The following MALRD1 variants were observed in gnomAD, a reference collection of about 807,000 sequenced individuals.
MALRD1 encodes the protein MAM and LDL-receptor class A domain-containing protein 1.
MALRD1 carries 247 observed loss-of-function variants against 242.1 expected under a neutral mutation model. The observed-to-expected ratio is 1.02, with a 90% CI of 0.92 to 1.13. MALRD1 has a LOEUF of 1.13. Ranked by LOEUF, MALRD1 falls within the 50% of genes most tolerant of loss-of-function variation. The probability of loss-of-function intolerance (pLI) is 0.00; values close to 1 mark genes in which losing one functional copy is unlikely to be tolerated. For missense variants in MALRD1, 2,989 were observed against 2,533.1 expected (o/e 1.18, Z -3.86); for synonymous variants, 995 against 866.6 (o/e 1.15, Z -2.60).
chr10:19,652,341 C>A (rs1425574372), intron 36 of MALRD1, among the ~76,000 whole-genome samples: 2 of 152,110 alleles, frequency 1.3e-5, no homozygotes. Flanking sequence ...GAAGAAAGAG[C>A]CAAATGTGCC....
Position 19,104,007 on chromosome 10 carries a change from C to T in MALRD1, c.626C>T (p.Thr209Met). The change falls in exon 5 of 40, where the codon ACG (threonine) becomes ATG (methionine). Residue 209 changes from threonine to methionine, a missense_variant. Physicochemically the swap from Thr to Met is moderately conservative, Grantham distance 81. Transcript: ENST00000454679. Reference sequence around the variant, plus strand: ...GTTTTTGAAGGTCAAATGGCTTCAACGTATGAACAGGATGAAGTCATTGCT... The same window carrying T: ...GTTTTTGAAGGTCAAATGGCTTCAATGTATGAACAGGATGAAGTCATTGCT... Reference protein sequence around the residue: ...QVVFEGQMASTYEQDEVIAID... With the variant: ...QVVFEGQMASMYEQDEVIAID... The T allele has an allele frequency of 1.9e-5, 24 of 1,233,766 alleles. No homozygotes were observed. Among genetic ancestry groups the T allele is most frequent in the South Asian group, 8.2e-5 (2 of 24,410 alleles). The allele number at this position is 1,233,766 out of a possible 1,614,324, so 76.4% of individuals were successfully genotyped here.
chr10:19,576,223 A>G (rs1836817334), intron 33 of MALRD1, among the ~76,000 whole-genome samples: 1 of 152,148 alleles, frequency 6.6e-6, no homozygotes, highest in Admixed American at 6.5e-5. Flanking sequence ...ACTATGAATA[A>G]TCTCGAATAC....
intron 28 of MALRD1, among the ~76,000 whole-genome samples, chr10:19,436,138 A>T (rs1258334913): frequency 1.3e-5 from 2 of 152,120 alleles, no homozygotes; most frequent in Non-Finnish European, 2.9e-5. Context: ...AGATTGCAAG[A>T]CCAAGTCCTA....
intron 29 of MALRD1, among the ~76,000 whole-genome samples, chr10:19,490,877 C>G (rs971697180): frequency 6.6e-6 from 1 of 152,058 alleles, no homozygotes; most frequent in African/African-American, 2.4e-5. Context: ...TGTTAGTTCT[C>G]TGTACTTGTC....
At chr10:19,708,968 C>T (rs1833989038) in intron 38 of MALRD1, among the ~76,000 whole-genome samples, 1 of 120,856 alleles carries the variant, frequency 8.3e-6, no homozygotes, top group Non-Finnish European at 1.9e-5. Flanking sequence ...TGGCGGGCCA[C>T]ATTTATTTTG....
At chr10:19,287,257 T>C (rs1841171005) in intron 21 of MALRD1, among the ~76,000 whole-genome samples, 3 of 152,196 alleles carry the variant, frequency 2.0e-5, no homozygotes, top group Non-Finnish European at 1.5e-5. Context: ...TTATTAGGGA[T>C]TGGTTATAGG....
chr10:19,527,618 T>G (rs1449153280), intron 31 of MALRD1, among the ~76,000 whole-genome samples: 2 of 152,190 alleles, frequency 1.3e-5, no homozygotes, highest in Admixed American at 1.3e-4. Flanking sequence ...TCATTATACA[T>G]GTTATAGTAT....
At chr10:19,336,806 T>C (rs1182111191) in intron 24 of MALRD1, among the ~76,000 whole-genome samples, 1 of 151,964 alleles carries the variant, frequency 6.6e-6, no homozygotes, top group Non-Finnish European at 1.5e-5. Context: ...ATTAATGAAA[T>C]AGAACACAAA....
chr10:19,711,594 T>G (rs976677441), intron 38 of MALRD1, among the ~76,000 whole-genome samples: 15 of 152,160 alleles, frequency 9.9e-5, no homozygotes, highest in South Asian at 2.1e-4. Context: ...GCAGAGGTGC[T>G]GTATCACTCC....
chr10:19,528,127 C>T (rs1210434848), intron 31 of MALRD1, among the ~76,000 whole-genome samples: 2 of 152,040 alleles, frequency 1.3e-5, no homozygotes, highest in Non-Finnish European at 2.9e-5. Flanking sequence ...GTACTGTGTT[C>T]AATTTTCCTA....
intron 28 of MALRD1, among the ~76,000 whole-genome samples, chr10:19,407,886 G>A (rs1488241023): frequency 6.6e-6 from 1 of 152,124 alleles, no homozygotes; most frequent in Non-Finnish European, 1.5e-5. Context: ...GTGTCCAAGA[G>A]GTATAAGCAA....
intron 14 of MALRD1, among the ~76,000 whole-genome samples, chr10:19,191,100 A>G (rs1047068739): frequency 6.6e-6 from 1 of 152,186 alleles, no homozygotes; most frequent in African/African-American, 2.4e-5. Context: ...AACTTCTAAA[A>G]CTCAATAATA....
intron 28 of MALRD1, among the ~76,000 whole-genome samples, chr10:19,448,121 G>C (rs1835104048): frequency 6.6e-6 from 1 of 152,150 alleles, no homozygotes; most frequent in Non-Finnish European, 1.5e-5. Context: ...ATTAGCATTA[G>C]TTCCCTGAAA....
chr10:19,181,457 A>G (rs571624438), intron 14 of MALRD1, among the ~76,000 whole-genome samples: 2 of 152,204 alleles, frequency 1.3e-5, no homozygotes, highest in Non-Finnish European at 2.9e-5. Context: ...CAAACACAAG[A>G]AGGAAAATAT....
At chr10:19,078,409 G>T (rs189047731) in intron 2 of MALRD1, among the ~76,000 whole-genome samples, 2 of 151,620 alleles carry the variant, frequency 1.3e-5, no homozygotes, top group Admixed American at 6.6e-5. Context: ...GATAAATTCC[G>T]CTTGACCATG....
chr10:19,464,956 T>A (rs1564365394), intron 29 of MALRD1, among the ~76,000 whole-genome samples: 1 of 66,142 alleles, frequency 1.5e-5, no homozygotes, highest in South Asian at 6.2e-4. Context: ...CAATTTTTTT[T>A]TTTTTTTTTT....
At position 19,669,670 on chromosome 10, in the gene MALRD1, A is replaced by G. The variant is rs576993078; in HGVS notation, c.6138-22612A>G. ...AGAACTGAGCAAATGAAAATAAATT[A>G]GATAATTAACTCCAGAAAAAAATTA... On this transcript the variant is annotated intron_variant, in intron 36 of 39. Transcript: ENST00000454679. 2.8e-4 allele frequency among the ~76,000 whole-genome samples: 42 copies of G among 152,352 alleles called. No homozygotes were observed. The South Asian group carries it at 7.9e-3, about 29-fold the overall frequency.
chr10:19,066,895 C>A, intron 2 of MALRD1, 36 bp downstream of exon 2: 1 of 1,227,632 alleles, frequency 8.1e-7, no homozygotes, highest in Non-Finnish European at 1.0e-6. Context: ...CCCTCTCTCC[C>A]TTCCTCCTTT....
At chr10:19,227,387 T>C (rs1383966997) in intron 18 of MALRD1, among the ~76,000 whole-genome samples, 1 of 152,098 alleles carries the variant, frequency 6.6e-6, no homozygotes, top group East Asian at 1.9e-4. Flanking sequence ...AATCAATGTC[T>C]TTATAAAGAT....
Sources: allele counts gnomAD v4.1 joint callset (sites outside exome capture counted in the v4.1 genomes callset), GRCh38; gene constraint gnomAD v4.1.1; transcripts MANE v1.5; gene names NCBI Gene and HGNC (gene_info 2026-07-23, HGNC 2026-07-21).